TMC2: variants seen among roughly 807,000 people sequenced by gnomAD.
The protein encoded by TMC2 is transmembrane channel-like protein 2.
A neutral mutation model predicts 105.9 loss-of-function variants in TMC2; 102 were observed. The observed-to-expected ratio is 0.96, with a 90% CI of 0.82 to 1.14. The LOEUF (loss-of-function observed/expected upper bound fraction) is 1.14, where lower values mean the gene tolerates loss of function less well. Among genes scored for constraint, TMC2 ranks in the 50% most tolerant of loss-of-function variants. The pLI is 0.00. For synonymous variants in TMC2, 402 were observed against 422.8 expected (o/e 0.95, Z 0.60); for missense variants, 1,093 against 1,134.3 (o/e 0.96, Z 0.52).
intron 2 of TMC2, among the ~76,000 whole-genome samples, chr20:2,545,826 A>G (rs1223415688): frequency 1.4e-4 from 8 of 58,774 alleles, no homozygotes; most frequent in African/African-American, 3.2e-4. Flanking sequence ...GAAGAGGAAG[A>G]AAGAAAGAAA....
At chr20:2,602,083 T>C (rs1387196582) in intron 10 of TMC2, 30 bp from the exon 11 acceptor site, 1 of 1,558,398 alleles carries the variant, frequency 6.4e-7, no homozygotes, top group Non-Finnish European at 8.7e-7. Context: ...TGGCCTGACA[T>C]TTATGCACAT....
At chr20:2,598,316 A>G (rs561777346) in intron 10 of TMC2, among the ~76,000 whole-genome samples, 1 of 152,182 alleles carries the variant, frequency 6.6e-6, no homozygotes, top group Non-Finnish European at 1.5e-5. Flanking sequence ...GATCAGTCCC[A>G]CAGGGGCTGA....
chr20:2,551,508 C>T (rs2422781), intron 2 of TMC2, among the ~76,000 whole-genome samples: 30,411 of 151,088 alleles, frequency 0.2, 3,401 homozygotes, highest in African/African-American at 0.29. Flanking sequence ...CTTTTGGTAT[C>T]GTATTTTATT....
rs1444717724 is a variant in TMC2 at position 2,594,839 on chromosome 20, C to A, written c.948C>A (p.Tyr316Ter). The A allele has an allele frequency of 7.4e-6, 12 of 1,614,030 alleles. No individual in the cohort carries two copies. Among genetic ancestry groups the A allele is most frequent in the Non-Finnish European group, 1.0e-5 (12 of 1,180,012 alleles). ...CTGTCCCCCAGGGCTATATCAAGTACTCTGCACTCTTCTATGGCTACTACA... is the reference window on the plus strand; with the variant it reads ...CTGTCCCCCAGGGCTATATCAAGTAATCTGCACTCTTCTATGGCTACTACA... ...VLWDFEGYIK[Y>*]SALFYGYYNN... The change falls in exon 9 of 20, where the codon TAC (tyrosine) becomes TAA (stop). Residue 316 changes from tyrosine to a stop codon, truncating the protein, a stop_gained. Coordinates refer to ENST00000358864, the MANE Select transcript of TMC2 (RefSeq NM_080751.3). LOFTEE classifies it high-confidence loss of function.
intron 2 of TMC2, among the ~76,000 whole-genome samples, chr20:2,551,996 C>T (rs1174557715): frequency 2.6e-5 from 4 of 151,984 alleles, no homozygotes; most frequent in Non-Finnish European, 5.9e-5. Context: ...CAGTAGCTCA[C>T]GCCTATAATC....
intron 17 of TMC2, among the ~76,000 whole-genome samples, chr20:2,627,681 A>G (rs2086573890): frequency 6.6e-6 from 1 of 152,152 alleles, no homozygotes; most frequent in African/African-American, 2.4e-5. Flanking sequence ...TCACTCTCCC[A>G]TGTCTTAAAC....
At chr20:2,611,053 G>T (rs941889111) in intron 12 of TMC2, among the ~76,000 whole-genome samples, 2 of 152,212 alleles carry the variant, frequency 1.3e-5, no homozygotes, top group African/African-American at 4.8e-5. Context: ...TTCACACACT[G>T]GGCTGGGAGA....
chr20:2,579,234 A>T lies in TMC2; in HGVS notation c.727+7A>T. 6.5e-7 allele frequency: 1 copy of T among 1,548,660 alleles called. No homozygotes were observed. On this transcript the variant is annotated splice_region_variant and intron_variant, in intron 6 of 19. Coordinates refer to ENST00000358864, the MANE Select transcript of TMC2 (RefSeq NM_080751.3). Reference sequence around the variant, plus strand: ...AAGATCAAGGACATTGAAAGTGAGTATGCTGGTGTCACTGTTTTTTTAATT... The same window carrying T: ...AAGATCAAGGACATTGAAAGTGAGTTTGCTGGTGTCACTGTTTTTTTAATT...
Position 2,616,248 on chromosome 20 carries a change from C to CA in TMC2, c.1940+50dup. ...CTGGTGATCGCCTCATCCAAGGAGT[C>CA]AAAAAACTGGAATCCCAGACTTTGC... On this transcript the variant is annotated intron_variant, in intron 15 of 19. Coordinates refer to ENST00000358864, the MANE Select transcript of TMC2 (RefSeq NM_080751.3). The surrounding 1 kb of genome is among the most constrained non-coding windows in gnomAD (Gnocchi z 4.8). 6.5e-7 allele frequency: 1 copy of CA among 1,541,746 alleles called. No homozygotes were observed. Among genetic ancestry groups the CA allele is most frequent in the Non-Finnish European group, 9.0e-7 (1 of 1,115,090 alleles).
intron 7 of TMC2, among the ~76,000 whole-genome samples, chr20:2,584,547 T>A (rs1157290593): frequency 1.3e-5 from 2 of 152,116 alleles, no homozygotes; most frequent in Non-Finnish European, 2.9e-5. Flanking sequence ...TCTGATTAAT[T>A]TTCCCCAATT....
intron 7 of TMC2, 86 bp downstream of exon 7, chr20:2,580,142 A>G: frequency 1.3e-6 from 1 of 742,762 alleles, no homozygotes; most frequent in South Asian, 2.0e-5. Flanking sequence ...TTCCTGTTTT[A>G]CAAAGAATCA....
intron 2 of TMC2, among the ~76,000 whole-genome samples, chr20:2,557,939 A>G (rs1459689492): frequency 6.6e-6 from 1 of 152,254 alleles, no homozygotes; most frequent in African/African-American, 2.4e-5. Flanking sequence ...CCCCAATAAC[A>G]AAAGACAGAT....
At chr20:2,593,385 T>C (rs533107400) in intron 8 of TMC2, among the ~76,000 whole-genome samples, 3 of 152,284 alleles carry the variant, frequency 2.0e-5, no homozygotes, top group East Asian at 3.9e-4. Context: ...TTTTATTCCA[T>C]TTGGGAATGA....
chr20:2,584,959 T>C (rs2086222423), intron 7 of TMC2, among the ~76,000 whole-genome samples: 1 of 152,208 alleles, frequency 6.6e-6, no homozygotes, highest in Non-Finnish European at 1.5e-5. Flanking sequence ...AGTACCCACA[T>C]TGCAAGCAAT....
chr20:2,617,380 G>T, intron 16 of TMC2, 69 bp downstream of exon 16: 1 of 1,584,072 alleles, frequency 6.3e-7, no homozygotes, highest in Non-Finnish European at 8.6e-7. Flanking sequence ...CCTCGGCCCA[G>T]AATTCCAGTT....
intron 5 of TMC2, among the ~76,000 whole-genome samples, chr20:2,576,770 T>C (rs2086148002): frequency 6.6e-6 from 1 of 152,114 alleles, no homozygotes; most frequent in South Asian, 2.1e-4. Flanking sequence ...CCAATTCCTA[T>C]CTGTGAATTT....
intron 7 of TMC2, among the ~76,000 whole-genome samples, chr20:2,581,910 C>T (rs959813706): frequency 6.6e-5 from 10 of 152,158 alleles, no homozygotes; most frequent in African/African-American, 1.2e-4. Context: ...CTGAACCATT[C>T]GTGCTAGAGA....
At chr20:2,588,448 A>G (rs895981864) in intron 7 of TMC2, among the ~76,000 whole-genome samples, 1 of 152,226 alleles carries the variant, frequency 6.6e-6, no homozygotes, top group Non-Finnish European at 1.5e-5. Context: ...GCTGACCTAC[A>G]GAACTGTGAG....
At chr20:2,628,866 G>A (rs2146262914) in intron 17 of TMC2, among the ~76,000 whole-genome samples, 1 of 152,336 alleles carries the variant, frequency 6.6e-6, no homozygotes, top group Non-Finnish European at 1.5e-5. Flanking sequence ...ACTTTGGGAG[G>A]CCGAGGCGGG....
Sources: gnomAD v4.1 joint callset for allele counts (sites outside exome capture counted in the v4.1 genomes callset) on GRCh38, gnomAD v4.1.1 for gene constraint, Gnocchi (gnomAD v3.1) non-coding constraint, MANE v1.5 for transcripts, NCBI Gene and HGNC (gene_info 2026-07-23, HGNC 2026-07-21) for gene names.